RETREG1: variants seen among roughly 807,000 people sequenced by gnomAD.
RETREG1 encodes reticulophagy regulator 1.
A neutral mutation model predicts 54.8 loss-of-function variants in RETREG1; 44 were observed. The observed-to-expected ratio is 0.80, with a 90% CI of 0.63 to 1.03. The LOEUF is 1.03. Ranked by LOEUF, RETREG1 falls within the 50% of genes least tolerant of loss-of-function variation. The pLI, the probability that RETREG1 is intolerant of heterozygous loss-of-function variation, is 0.00. For missense variants in RETREG1, 554 were observed against 605.1 expected (o/e 0.92, Z 0.89); for synonymous variants, 217 against 238.5 (o/e 0.91, Z 0.83).
intron 1 of RETREG1, among the ~76,000 whole-genome samples, chr5:16,590,541 A>G (rs898281731): frequency 3.3e-5 from 5 of 152,242 alleles, no homozygotes; most frequent in Non-Finnish European, 7.3e-5. Flanking sequence ...TGAAAAAATT[A>G]TGATTCTGAA....
chr5:16,576,207 G>A (rs868394679), intron 1 of RETREG1, among the ~76,000 whole-genome samples: 1 of 151,562 alleles, frequency 6.6e-6, no homozygotes, highest in Admixed American at 6.6e-5. Flanking sequence ...TCCTTCCCCC[G>A]AAATTATTTG....
intron 3 of RETREG1, among the ~76,000 whole-genome samples, chr5:16,525,568 G>C (rs1740689603): frequency 6.6e-6 from 1 of 152,142 alleles, no homozygotes; most frequent in South Asian, 2.1e-4. Context: ...GGATGAGATG[G>C]CGTCTTCCTC....
intron 3 of RETREG1, among the ~76,000 whole-genome samples, chr5:16,537,920 C>T (rs1276832180): frequency 2.6e-5 from 4 of 152,124 alleles, no homozygotes; most frequent in African/African-American, 9.7e-5. Context: ...AAAGAAAGCC[C>T]ACTTGATACA....
intron 3 of RETREG1, among the ~76,000 whole-genome samples, chr5:16,499,820 T>C (rs1160789405): frequency 6.6e-6 from 1 of 152,246 alleles, no homozygotes; most frequent in Non-Finnish European, 1.5e-5. Flanking sequence ...CATTCTGGGC[T>C]TCGACCCTTT....
At chr5:16,539,234 G>C (rs563265257) in intron 3 of RETREG1, among the ~76,000 whole-genome samples, 1 of 152,310 alleles carries the variant, frequency 6.6e-6, no homozygotes, top group Admixed American at 6.5e-5. Flanking sequence ...TTTATGGCCT[G>C]TTCAGATGAG....
In RETREG1 at chr5:16,474,573, G is replaced by A. The variant is rs1738436806; in HGVS notation, c.*168C>T. 1.3e-6 allele frequency: 1 copy of A among 751,448 alleles called. No homozygotes were observed. Among genetic ancestry groups the A allele is most frequent in the South Asian group, 1.9e-5 (1 of 53,162 alleles). 46.5% of individuals were successfully genotyped at this position (751,448 alleles called of 1,614,324 possible). A position where few individuals can be genotyped will look rare whatever the true frequency, so the allele number is the denominator to read the frequency against. ...CGATCAGAAATATCAATCTATCAGT[G>A]TCAGCTGATATATATCCAATTAATT... On this transcript the variant is annotated 3_prime_UTR_variant, in exon 9 of 9. Coordinates refer to ENST00000306320, the MANE Select transcript of RETREG1 (RefSeq NM_001034850.3).
At chr5:16,515,323 T>C (rs1157671667) in intron 3 of RETREG1, among the ~76,000 whole-genome samples, 2 of 152,210 alleles carry the variant, frequency 1.3e-5, no homozygotes, top group Non-Finnish European at 2.9e-5. Context: ...TCCTTTATCC[T>C]TGTCTATTTC....
intron 3 of RETREG1, among the ~76,000 whole-genome samples, chr5:16,513,627 C>T (rs1453416183): frequency 6.6e-6 from 1 of 152,206 alleles, no homozygotes; most frequent in Non-Finnish European, 1.5e-5. Context: ...ACTCTTAAGA[C>T]AATAATCAAC....
intron 1 of RETREG1, among the ~76,000 whole-genome samples, chr5:16,579,273 C>T (rs577695040): frequency 2.6e-5 from 4 of 152,126 alleles, no homozygotes; most frequent in Non-Finnish European, 5.9e-5. Context: ...ACCTATTTTA[C>T]AGAAGAGCAA....
intron 1 of RETREG1, among the ~76,000 whole-genome samples, chr5:16,610,135 A>G (rs945586555): frequency 5.3e-5 from 8 of 152,078 alleles, no homozygotes; most frequent in Non-Finnish European, 1.0e-4. Context: ...GCTGGCAGAG[A>G]AGGGGTGCTT....
intron 1 of RETREG1, among the ~76,000 whole-genome samples, chr5:16,615,461 G>A (rs899703172): frequency 1.3e-5 from 2 of 151,160 alleles, no homozygotes; most frequent in African/African-American, 4.9e-5. Context: ...TAAAAACATC[G>A]TAAACATTAG....
chr5:16,616,879 C>T lies in RETREG1; in HGVS notation c.93G>A (p.Gln31=). The T allele has an allele frequency of 6.7e-7, 1 of 1,488,842 alleles. No homozygotes were observed. Among genetic ancestry groups the T allele is most frequent in the Non-Finnish European group, 8.9e-7 (1 of 1,126,928 alleles). The allele number at this position is 1,488,842 out of a possible 1,614,324, so 92.2% of individuals were successfully genotyped here. Residue 31 remains glutamine (Q), a synonymous_variant, in exon 1 of 9, where the codon CAG becomes CAA. Coordinates refer to ENST00000306320, the MANE Select transcript of RETREG1 (RefSeq NM_001034850.3). ...GCTGCTGCCGCTCTGCGGGGGATGC[C>T]TGGGGCGGTGGCGGCGACGGCGGCG... ...EQAPPSPPPP[Q]ASPAERQQQE... is the part of the protein sequence containing the mutation.
At chr5:16,477,074 A>G (rs1561077082) in intron 8 of RETREG1, among the ~76,000 whole-genome samples, 1 of 152,066 alleles carries the variant, frequency 6.6e-6, no homozygotes, top group East Asian at 1.9e-4. Context: ...TCTCTCCCAC[A>G]TTATCGCTTG....
chr5:16,614,228 G>A (rs1561140523), intron 1 of RETREG1, among the ~76,000 whole-genome samples: 1 of 125,226 alleles, frequency 8.0e-6, no homozygotes, highest in African/African-American at 3.2e-5. Flanking sequence ...TTCAATAGGT[G>A]TCATTAAAGA....
intron 2 of RETREG1, among the ~76,000 whole-genome samples, chr5:16,567,403 C>G (rs1012667306): frequency 3.9e-5 from 6 of 152,200 alleles, no homozygotes; most frequent in Non-Finnish European, 8.8e-5. Flanking sequence ...ATCTGACAAG[C>G]TATCAGAGTA....
At chr5:16,511,451 T>G (rs1740171590) in intron 3 of RETREG1, among the ~76,000 whole-genome samples, 2 of 152,330 alleles carry the variant, frequency 1.3e-5, no homozygotes, top group South Asian at 4.1e-4. Flanking sequence ...TAAACGTATT[T>G]TCAACCTACA....
chr5:16,522,621 C>T (rs1323358923), intron 3 of RETREG1, among the ~76,000 whole-genome samples: 2 of 152,194 alleles, frequency 1.3e-5, no homozygotes, highest in African/African-American at 2.4e-5. Context: ...CCTGTCTCCA[C>T]GATAATTCCT....
Position 16,503,693 on chromosome 5 carries a change from A to G in RETREG1, c.459-20221T>C, listed in dbSNP as rs536697671. 2.2e-4 allele frequency among the ~76,000 whole-genome samples: 33 copies of G among 151,840 alleles called. 1 individual carries two copies. In the South Asian group the frequency reaches 6.9e-3, roughly 32 times the overall value. ...AAAAAAAAAAAGAAAGAAAGAAAGAAAAGAAAACTAAATAATTCCTTCCAC... is the reference window on the plus strand; with the variant it reads ...AAAAAAAAAAAGAAAGAAAGAAAGAGAAGAAAACTAAATAATTCCTTCCAC... On this transcript the variant is annotated intron_variant, in intron 3 of 8. Coordinates refer to ENST00000306320, the MANE Select transcript of RETREG1 (RefSeq NM_001034850.3).
intron 3 of RETREG1, among the ~76,000 whole-genome samples, chr5:16,553,416 T>G (rs1189271633): frequency 6.6e-6 from 1 of 152,034 alleles, no homozygotes; most frequent in Non-Finnish European, 1.5e-5. Context: ...TAGGGATACA[T>G]ATATGTGATT....
Sources: gnomAD v4.1 joint callset for allele counts (sites outside exome capture counted in the v4.1 genomes callset) on GRCh38, gnomAD v4.1.1 for gene constraint, MANE v1.5 for transcripts, NCBI Gene and HGNC (gene_info 2026-07-23, HGNC 2026-07-21) for gene names.